NCOA2: variants seen among roughly 807,000 people sequenced by gnomAD.
NCOA2 encodes the protein nuclear receptor coactivator 2, also known as class E basic helix-loop-helix protein 75.
A neutral mutation model predicts 145.1 loss-of-function variants in NCOA2; 21 were observed. That is an observed-to-expected ratio of 0.14 (90% CI 0.10 to 0.21). The LOEUF (loss-of-function observed/expected upper bound fraction) is 0.21. Among genes scored for constraint, NCOA2 ranks in the 10% least tolerant of loss-of-function variants. The pLI, the probability that NCOA2 is intolerant of heterozygous loss-of-function variation, is 1.00. For synonymous variants in NCOA2, 619 were observed against 637.5 expected (o/e 0.97, Z 0.44); for missense variants, 1,472 against 1,837.6 (o/e 0.80, Z 3.64).
rs748911916 is a variant in NCOA2 at position 70,231,839 on chromosome 8, G to A, written c.-19-15075C>T. The stretch of plus-strand genomic sequence containing the variant: ...CCTCTCTCTACCAGTACCATAGAAC[G>A]CCTCTATCTATCTTCCTAAGTTCAC... On this transcript the variant is annotated intron_variant, in intron 2 of 22. Coordinates refer to ENST00000452400, the MANE Select transcript of NCOA2 (RefSeq NM_006540.4). 5.3e-5 allele frequency among the ~76,000 whole-genome samples: 8 copies of A among 152,134 alleles called. No individual in the cohort carries two copies. The South Asian group carries it at 1.0e-3, about 20-fold the overall frequency.
rs200949977 is a variant in NCOA2 at position 70,243,791 on chromosome 8, G to GAAAA, written c.-19-27031_-19-27028dup. Among the ~76,000 whole-genome samples, 528 of 99,538 alleles carry GAAAA rather than the reference G, an allele frequency of 5.3e-3. 8 individuals are homozygous for GAAAA. The highest frequency in any genetic ancestry group is 0.019 in the Middle Eastern group (3 of 162). 65.3% of individuals were successfully genotyped at this position (99,538 alleles called of 152,430 possible). ...GAAAGAGCAGTGAAAATAAAAAATG[G>GAAAA]AAAAAAAAAAAAAAAAAGAATGTGG... is the stretch of plus-strand genomic sequence containing the variant. On this transcript the variant is annotated intron_variant, in intron 2 of 22. Transcript: ENST00000452400.
At chr8:70,220,523 C>T (rs1820045699) in intron 2 of NCOA2, among the ~76,000 whole-genome samples, 1 of 152,180 alleles carries the variant, frequency 6.6e-6, no homozygotes, top group Non-Finnish European at 1.5e-5. Flanking sequence ...CTTGGATGAG[C>T]TAGACGGTAG....
At chr8:70,224,327 T>C (rs1820415722) in intron 2 of NCOA2, among the ~76,000 whole-genome samples, 1 of 152,238 alleles carries the variant, frequency 6.6e-6, no homozygotes, top group African/African-American at 2.4e-5. Context: ...GTTTCAGAAA[T>C]GGTAATTGGT....
chr8:70,156,492 T>C lies in NCOA2; in HGVS notation c.1873A>G (p.Arg625Gly). The change falls in exon 11 of 23, where the codon AGA becomes GGA. Residue 625 changes from arginine to glycine, a missense_variant. Around this residue, in one of 4 missense-constraint regions of NCOA2, gnomAD observed 953 missense variants for 1,062.1 expected, o/e 0.90. Coordinates refer to ENST00000452400, the MANE Select transcript of NCOA2 (RefSeq NM_006540.4). Reference sequence around the variant, plus strand: ...TGCAGTCTGCTCTGCCCGTCAGCTCTCTCACTGCTCACGGCCGGGGGCAGG... The same window carrying C: ...TGCAGTCTGCTCTGCCCGTCAGCTCCCTCACTGCTCACGGCCGGGGGCAGG... ...PNLPPAVSSE[R>G]ADGQSRLHDS... 2 of 1,613,914 alleles carry C rather than the reference T, an allele frequency of 1.2e-6. No individual in the cohort carries two copies. The highest frequency in any genetic ancestry group is 1.1e-5 in the South Asian group (1 of 91,078).
intron 14 of NCOA2, 125 bp from the exon 15 acceptor site, chr8:70,138,457 T>A: frequency 1.1e-6 from 1 of 890,254 alleles, no homozygotes; most frequent in Non-Finnish European, 1.6e-6. Flanking sequence ...AATAATTAAC[T>A]AGGTGAATAT....
chr8:70,395,012 T>C (rs1378025509), intron 1 of NCOA2, among the ~76,000 whole-genome samples: 1 of 152,170 alleles, frequency 6.6e-6, no homozygotes, highest in Non-Finnish European at 1.5e-5. Context: ...ATCTGTTTGG[T>C]AAAGGGGAAA....
At chr8:70,437,999 A>T in the NCOA2 span, among the ~76,000 whole-genome samples, 1 of 152,216 alleles carries the variant, frequency 6.6e-6, no homozygotes, top group Non-Finnish European at 1.5e-5. Context: ...ACATAGCTTG[A>T]AATATTATAA....
At chr8:70,234,776 G>T (rs1297342276) in intron 2 of NCOA2, among the ~76,000 whole-genome samples, 1 of 152,036 alleles carries the variant, frequency 6.6e-6, no homozygotes, top group Non-Finnish European at 1.5e-5. Context: ...CCTGACCAAG[G>T]CCAAAAAGTA....
chr8:70,159,242 A>ATATATAT, intron 10 of NCOA2, among the ~76,000 whole-genome samples: 900 of 61,058 alleles, frequency 0.015, 42 homozygotes, highest in African/African-American at 0.045. Context: ...ATATATATAT[A>ATATATAT]TTTTTTTTTT....
intron 1 of NCOA2, among the ~76,000 whole-genome samples, chr8:70,352,021 TC>T (rs1329315641): frequency 6.6e-6 from 1 of 152,142 alleles, no homozygotes; most frequent in Non-Finnish European, 1.5e-5. Flanking sequence ...ATGCTTTTTT[TC>T]AATTTTTCAA....
intron 4 of NCOA2, among the ~76,000 whole-genome samples, chr8:70,185,375 C>A (rs977644883): frequency 6.6e-6 from 1 of 152,204 alleles, no homozygotes; most frequent in Admixed American, 6.5e-5. Context: ...TATGCTAAAT[C>A]ATATCATTGT....
In NCOA2 at chr8:70,304,409, T is replaced by C. The variant is rs373848074; in HGVS notation, c.-76-7609A>G. Among the ~76,000 whole-genome samples, 30 of 152,200 alleles carry C rather than the reference T, an allele frequency of 2.0e-4. 2 individuals carry two copies. The South Asian group carries it at 6.2e-3, about 32-fold the overall frequency. The stretch of plus-strand genomic sequence containing the variant: ...GCTAGACCATCTAGGTTTGTGTAAG[T>C]ACACTCTTGCCTAATGAGGCAATAC... On this transcript the variant is annotated intron_variant, in intron 1 of 22. Transcript: ENST00000452400.
At chr8:70,413,097 C>CAA in the NCOA2 span, among the ~76,000 whole-genome samples, 205 of 59,196 alleles carry the variant, frequency 3.5e-3, 1 homozygote, top group African/African-American at 9.2e-3. Flanking sequence ...GACTCCGTCT[C>CAA]AAAAAAAAAA....
Position 70,264,537 on chromosome 8 carries a change from C to T in NCOA2, c.-20+32207G>A, listed in dbSNP as rs116072317. On this transcript the variant is annotated intron_variant, in intron 2 of 22. Transcript: ENST00000452400. ...AACAAAGTCTTATACCAAATGTCAA[C>T]CTATATACTTCAGGCTCCAATGTAA... is the stretch of plus-strand genomic sequence containing the variant. Among the ~76,000 whole-genome samples, 891 of 152,146 alleles carry T rather than the reference C, an allele frequency of 5.9e-3. 5 individuals are homozygous for T. The highest frequency in any genetic ancestry group is 0.02 in the African/African-American group (831 of 41,498).
At chr8:70,409,422 T>C in the NCOA2 span, among the ~76,000 whole-genome samples, 1 of 152,196 alleles carries the variant, frequency 6.6e-6, no homozygotes, top group African/African-American at 2.4e-5. Context: ...CAATGAATTT[T>C]GTACAAAGTT....
intron 1 of NCOA2, among the ~76,000 whole-genome samples, chr8:70,330,568 C>CAA (rs376324516): frequency 1.1e-4 from 9 of 82,064 alleles, no homozygotes; most frequent in East Asian, 3.5e-4. Flanking sequence ...CACCATGTCT[C>CAA]AAAAAAAAAA....
chr8:70,129,362 T>A (rs1309190030), intron 16 of NCOA2, among the ~76,000 whole-genome samples: 1 of 152,192 alleles, frequency 6.6e-6, no homozygotes, highest in African/African-American at 2.4e-5. Flanking sequence ...ATCTGTAGAG[T>A]TCATTTTAAT....
chr8:70,379,778 T>C (rs1812023568), intron 1 of NCOA2, among the ~76,000 whole-genome samples: 1 of 152,094 alleles, frequency 6.6e-6, no homozygotes, highest in Admixed American at 6.5e-5. Context: ...AAACAGAGTC[T>C]TGTCCTTATC....
Position 70,156,565 on chromosome 8 carries a change from T to C in NCOA2, c.1800A>G (p.Ala600=). 1 of 1,613,976 alleles carries C rather than the reference T, an allele frequency of 6.2e-7. No individual in the cohort carries two copies. Among genetic ancestry groups the C allele is most frequent in the Non-Finnish European group, 8.5e-7 (1 of 1,179,882 alleles). The change falls in exon 11 of 23, where the codon GCA becomes GCG. Residue 600 remains alanine, a synonymous_variant. Transcript: ENST00000452400. ...GCTCTCCAGGATGGCAGCTGCTCTC[T>C]GCTTGTCCAGTTGTACCTTCAGAGG... ...GEPSEGTTGQ[A]ESSCHPGEQK... is the part of the protein sequence containing the mutation.
Sources: allele counts gnomAD v4.1 joint callset (sites outside exome capture counted in the v4.1 genomes callset), GRCh38; gene constraint gnomAD v4.1.1; regional missense constraint gnomAD v4.1.1; transcripts MANE v1.5; gene names NCBI Gene and HGNC (gene_info 2026-07-23, HGNC 2026-07-21).